Variants in HERPUD2 observed in about 807,000 individuals in gnomAD.
HERPUD2 encodes the protein HERPUD family member 2, also known as homocysteine-responsive endoplasmic reticulum-resident ubiquitin-like domain member 2 protein.
HERPUD2 carries 13 observed loss-of-function variants against 49.9 expected under a neutral mutation model. The ratio of observed to expected loss-of-function variants is 0.26; its 90% CI spans 0.17 to 0.41. HERPUD2 has a LOEUF of 0.41. HERPUD2 is among the 10% of genes least tolerant of loss of function. The pLI is 1.00. For synonymous variants in HERPUD2, 172 were observed against 171.4 expected (o/e 1.00, Z -0.03); for missense variants, 449 against 492.2 (o/e 0.91, Z 0.83).
intron 5 of HERPUD2, among the ~76,000 whole-genome samples, chr7:35,651,310 C>T (rs1200490561): frequency 6.6e-6 from 1 of 152,144 alleles, no homozygotes; most frequent in East Asian, 1.9e-4. Context: ...ACACTGGTGC[C>T]AGCGTATGCC....
At chr7:35,653,898 G>T (rs1288940988) in intron 5 of HERPUD2, among the ~76,000 whole-genome samples, 1 of 152,160 alleles carries the variant, frequency 6.6e-6, no homozygotes, top group African/African-American at 2.4e-5. Flanking sequence ...TACTCAGGAG[G>T]CTGAGGCAGA....
intron 7 of HERPUD2, among the ~76,000 whole-genome samples, 185 bp from the exon 8 acceptor site, chr7:35,634,614 C>G (rs1479786946): frequency 6.6e-6 from 1 of 152,160 alleles, no homozygotes; most frequent in Non-Finnish European, 1.5e-5. Flanking sequence ...AGAAAACCAA[C>G]CCAAATCTCT....
At chr7:35,679,888 C>T (rs1207944301) in intron 2 of HERPUD2, among the ~76,000 whole-genome samples, 1 of 152,166 alleles carries the variant, frequency 6.6e-6, no homozygotes, top group African/African-American at 2.4e-5. Context: ...AAAACCTGGG[C>T]ATCATCCTCA....
chr7:35,690,765 C>A (rs1723472655), intron 2 of HERPUD2, among the ~76,000 whole-genome samples: 1 of 151,776 alleles, frequency 6.6e-6, no homozygotes, highest in East Asian at 1.9e-4. Flanking sequence ...GCCGAGATAG[C>A]GCCATTGCAC....
At chr7:35,663,459 T>C (rs542754889) in intron 5 of HERPUD2, among the ~76,000 whole-genome samples, 1 of 152,302 alleles carries the variant, frequency 6.6e-6, no homozygotes, top group Admixed American at 6.5e-5. Context: ...GATATCCTTA[T>C]TAACTTTCTG....
At chr7:35,694,161 GC>G (rs1786261428) in intron 2 of HERPUD2, 22 bp downstream of exon 2, 4 of 1,613,538 alleles carry the variant, frequency 2.5e-6, no homozygotes, top group African/African-American at 2.7e-5. Context: ...CAGAGCAGCT[GC>G]CCCCAGCTTT....
At chr7:35,665,286 A>G (rs1320591114) in intron 5 of HERPUD2, among the ~76,000 whole-genome samples, 1 of 152,182 alleles carries the variant, frequency 6.6e-6, no homozygotes, top group Non-Finnish European at 1.5e-5. Flanking sequence ...CTTCCTGGCC[A>G]CTTTGTTTAT....
intron 5 of HERPUD2, among the ~76,000 whole-genome samples, 154 bp downstream of exon 5, chr7:35,667,280 T>C (rs1397328676): frequency 1.3e-5 from 2 of 152,244 alleles, no homozygotes; most frequent in African/African-American, 4.8e-5. Context: ...AGCAGTGCTC[T>C]TCTTAACCCT....
chr7:35,691,175 T>C (rs1169104106), intron 2 of HERPUD2, among the ~76,000 whole-genome samples: 1 of 152,034 alleles, frequency 6.6e-6, no homozygotes, highest in South Asian at 2.1e-4. Context: ...CCCAAAAAAA[T>C]GTGCTTTGAG....
At chr7:35,673,417 T>G in intron 2 of HERPUD2, 139 bp from the exon 3 acceptor site, 1 of 627,832 alleles carries the variant, frequency 1.6e-6, no homozygotes, top group Non-Finnish European at 2.7e-6. Context: ...TTTAAGAATT[T>G]TTGTTTTTCC....
At chr7:35,682,542 A>G (rs2116022088) in intron 2 of HERPUD2, among the ~76,000 whole-genome samples, 1 of 151,616 alleles carries the variant, frequency 6.6e-6, no homozygotes, top group East Asian at 1.9e-4. Flanking sequence ...CCTTTCCAAC[A>G]TAGTACTCTA....
In HERPUD2 at chr7:35,665,715, C is replaced by T. The variant is rs555313254; in HGVS notation, c.494+1719G>A. ...TGGGAGCTGCAGACTGGAGCTGTTC[C>T]TATTCGGCCATCTTGGCGCCACCTA... On this transcript the variant is annotated intron_variant, in intron 5 of 8. Coordinates refer to ENST00000311350, the MANE Select transcript of HERPUD2 (RefSeq NM_022373.5). 3.9e-5 allele frequency among the ~76,000 whole-genome samples: 6 copies of T among 152,354 alleles called. No homozygotes were observed. In the South Asian group the frequency reaches 1.2e-3, roughly 32 times the overall value.
At chr7:35,647,120 T>C (rs958024895) in intron 5 of HERPUD2, among the ~76,000 whole-genome samples, 3 of 152,158 alleles carry the variant, frequency 2.0e-5, no homozygotes, top group African/African-American at 7.2e-5. Context: ...GAACAAACTT[T>C]CACAGGAAAC....
intron 2 of HERPUD2, among the ~76,000 whole-genome samples, chr7:35,677,218 A>G (rs1785783151): frequency 6.6e-6 from 1 of 152,198 alleles, no homozygotes; most frequent in African/African-American, 2.4e-5. Flanking sequence ...TCTTACATAA[A>G]AAGTAGTACA....
intron 2 of HERPUD2, among the ~76,000 whole-genome samples, chr7:35,687,875 T>C (rs1248258232): frequency 6.6e-6 from 1 of 152,218 alleles, no homozygotes; most frequent in Non-Finnish European, 1.5e-5. Flanking sequence ...GATTAAATTT[T>C]TTATGTCAAG....
intron 2 of HERPUD2, among the ~76,000 whole-genome samples, chr7:35,681,355 T>C (rs774400295): frequency 6.6e-6 from 1 of 152,152 alleles, no homozygotes; most frequent in Non-Finnish European, 1.5e-5. Context: ...CCTTCCTACA[T>C]TGCTGGTAGG....
At chr7:35,639,810 G>A (rs562836073) in intron 5 of HERPUD2, among the ~76,000 whole-genome samples, 2 of 152,282 alleles carry the variant, frequency 1.3e-5, no homozygotes, top group South Asian at 2.1e-4. Context: ...TATACTTAAA[G>A]AAACGTGGTG....
chr7:35,690,476 T>G (rs1207062257), intron 2 of HERPUD2, among the ~76,000 whole-genome samples: 1 of 152,210 alleles, frequency 6.6e-6, no homozygotes, highest in Non-Finnish European at 1.5e-5. Flanking sequence ...AGTAATATAC[T>G]AATATAAAAC....
chr7:35,645,467 G>A (rs950269632), intron 5 of HERPUD2, among the ~76,000 whole-genome samples: 3 of 151,940 alleles, frequency 2.0e-5, no homozygotes, highest in African/African-American at 7.2e-5. Context: ...ACAAAGAATG[G>A]GACAGCTCTT....
Sources: allele counts gnomAD v4.1 joint callset (sites outside exome capture counted in the v4.1 genomes callset), GRCh38; gene constraint gnomAD v4.1.1; transcripts MANE v1.5; gene names NCBI Gene and HGNC (gene_info 2026-07-23, HGNC 2026-07-21).